RPS6KA6: variants seen among roughly 807,000 people sequenced by gnomAD.
RPS6KA6 encodes the protein ribosomal protein S6 kinase alpha-6.
In RPS6KA6, 27 loss-of-function variants were observed where a neutral mutation model predicts 65.4. The ratio of observed to expected loss-of-function variants is 0.41; its 90% CI spans 0.30 to 0.57. The LOEUF (loss-of-function observed/expected upper bound fraction) is 0.57, where lower values mean the gene tolerates loss of function less well. Ranked by LOEUF, RPS6KA6 falls within the 20% of genes least tolerant of loss-of-function variation. The probability of loss-of-function intolerance (pLI) is 0.24; values close to 1 mark genes in which losing one functional copy is unlikely to be tolerated. For synonymous variants in RPS6KA6, 190 were observed against 184.2 expected (o/e 1.03, Z -0.26); for missense variants, 486 against 555.6 (o/e 0.87, Z 1.26).
At chrX:84,072,138 C>G (rs989213519) in intron 20 of RPS6KA6, among the ~76,000 whole-genome samples, 1 of 111,409 alleles carries the variant, frequency 9.0e-6, no homozygotes, top group Non-Finnish European at 1.9e-5. Context: ...AGGCCAATAG[C>G]CTTAAAGAAC....
chrX:84,139,901 T>C (rs1182751335), intron 6 of RPS6KA6, among the ~76,000 whole-genome samples: 1 of 111,640 alleles, frequency 9.0e-6, no homozygotes, highest in African/African-American at 3.3e-5. Flanking sequence ...AGTTTCCAAG[T>C]GGTAGTACAG....
chrX:84,151,110 G>A lies in RPS6KA6; in HGVS notation c.259-2987C>T, dbSNP rs950813875. 1.0e-4 allele frequency among the ~76,000 whole-genome samples: 10 copies of A among 97,456 alleles called. No homozygotes were observed. The East Asian group carries it at 1.2e-3, about 12-fold the overall frequency. 84.6% of individuals were successfully genotyped at this position (97,456 alleles called of 115,157 possible). Reference sequence around the variant, plus strand: ...GATATATAGAGGATAGATATATATAGATATATATAGGATATATATAGATAT... The same window carrying A: ...GATATATAGAGGATAGATATATATAAATATATATAGGATATATATAGATAT... On this transcript the variant is annotated intron_variant, in intron 3 of 21. Transcript: ENST00000262752.
chrX:84,121,144 A>G (rs1331858195), intron 8 of RPS6KA6, among the ~76,000 whole-genome samples: 1 of 112,520 alleles, frequency 8.9e-6, no homozygotes, highest in Non-Finnish European at 1.9e-5. Flanking sequence ...GAAGCGTTAC[A>G]TGAGCACAGA....
chrX:84,067,976 A>G (rs1469017191), intron 20 of RPS6KA6, among the ~76,000 whole-genome samples: 2 of 112,050 alleles, frequency 1.8e-5, no homozygotes, highest in Non-Finnish European at 3.8e-5. Flanking sequence ...AACATTCTTA[A>G]AGAAAAGAAT....
At chrX:84,098,678 T>C (rs1382204763) in intron 18 of RPS6KA6, among the ~76,000 whole-genome samples, 3 of 111,188 alleles carry the variant, frequency 2.7e-5, no homozygotes, top group Admixed American at 9.6e-5. Flanking sequence ...CAGCATGAAT[T>C]TCTCATCTAT....
chrX:84,147,499 G>A (rs2035220293), intron 4 of RPS6KA6, among the ~76,000 whole-genome samples: 1 of 111,024 alleles, frequency 9.0e-6, no homozygotes, highest in Non-Finnish European at 1.9e-5. Flanking sequence ...TAGAGACAGG[G>A]TTTCACCAGG....
chrX:84,079,643 G>T (rs1368768143), intron 20 of RPS6KA6, among the ~76,000 whole-genome samples: 1 of 111,093 alleles, frequency 9.0e-6, no homozygotes, highest in African/African-American at 3.3e-5. Context: ...GGTGGGGGGA[G>T]GGGCGTCCAC....
At chrX:84,092,118 G>C (rs1367854804) in intron 20 of RPS6KA6, among the ~76,000 whole-genome samples, 1 of 110,890 alleles carries the variant, frequency 9.0e-6, no homozygotes, top group Admixed American at 9.6e-5. Flanking sequence ...TGGGTTGATA[G>C]GTGCAGCAAA....
intron 20 of RPS6KA6, among the ~76,000 whole-genome samples, chrX:84,083,436 T>C (rs976408605): frequency 8.9e-6 from 1 of 112,259 alleles, no homozygotes; most frequent in African/African-American, 3.2e-5. Flanking sequence ...CATGTGTCCA[T>C]GGGTTCTCAT....
intron 20 of RPS6KA6, among the ~76,000 whole-genome samples, chrX:84,089,235 C>T (rs373522470): frequency 3.6e-5 from 4 of 112,196 alleles, no homozygotes; most frequent in African/African-American, 1.3e-4. Flanking sequence ...CTCCTCGGAG[C>T]TGGCAGGTTA....
intron 3 of RPS6KA6, among the ~76,000 whole-genome samples, chrX:84,151,223 GATATAGATATATAGGATATATATAGAT>G (rs1437906788): frequency 4.7e-4 from 47 of 100,346 alleles, no homozygotes; most frequent in Non-Finnish European, 6.0e-5. Context: ...GATATATATA[GATATAGATATATAGGATATATATAGAT>G]ATATATATAT....
intron 8 of RPS6KA6, among the ~76,000 whole-genome samples, chrX:84,128,857 A>T (rs986992684): frequency 4.4e-4 from 49 of 112,154 alleles, no homozygotes; most frequent in African/African-American, 1.6e-3. Flanking sequence ...AATGGATTAA[A>T]AATTTACATC....
At chrX:84,140,394 C>A (rs2035073665) in intron 6 of RPS6KA6, among the ~76,000 whole-genome samples, 1 of 110,751 alleles carries the variant, frequency 9.0e-6, no homozygotes, top group South Asian at 3.9e-4. Flanking sequence ...CAAAAATGTT[C>A]ATCACCTTAA....
chrX:84,182,480 G>A (rs1423983688), intron 1 of RPS6KA6, among the ~76,000 whole-genome samples: 1 of 111,045 alleles, frequency 9.0e-6, no homozygotes, highest in Non-Finnish European at 1.9e-5. Flanking sequence ...TTACAGGAAG[G>A]GAAAAAAATC....
rs763540105 is a variant in RPS6KA6, at chrX:84,110,112, T to C, written c.1009-2387A>G. ...AGGTTCCACCCAGAAACAACTCCCATAGACAAGTGTCTTCTGTGGCTATCA... is the reference window on the plus strand; with the variant it reads ...AGGTTCCACCCAGAAACAACTCCCACAGACAAGTGTCTTCTGTGGCTATCA... On this transcript the variant is annotated intron_variant, in intron 12 of 21. Transcript: ENST00000262752. Among the ~76,000 whole-genome samples the C allele has an allele frequency of 8.0e-5, 9 of 112,038 alleles. No individual in the cohort carries two copies. The East Asian group carries it at 2.3e-3, about 28-fold the overall frequency.
At chrX:84,173,696 G>A (rs904148306) in intron 1 of RPS6KA6, among the ~76,000 whole-genome samples, 6 of 110,203 alleles carry the variant, frequency 5.4e-5, no homozygotes, top group Non-Finnish European at 9.5e-5. Flanking sequence ...TCGCTGTGTC[G>A]CCCCAGGCTG....
rs369916805 is a variant in RPS6KA6 at position 84,064,941 on chromosome X, C to T, written c.2112+30G>A. ...TGGGTTTATTAGGTATCTGATATCT[C>T]GAAGGCACATAAAAGTATGTTTGTT... is the stretch of plus-strand genomic sequence containing the variant. On this transcript the variant is annotated intron_variant, in intron 21 of 21. Coordinates refer to ENST00000262752, the MANE Select transcript of RPS6KA6 (RefSeq NM_014496.5). 84 of 1,167,740 alleles carry T rather than the reference C, an allele frequency of 7.2e-5. 1 individual carries two copies. In the African/African-American group the frequency reaches 1.2e-3, roughly 17 times the overall value.
At chrX:84,101,919 A>G in intron 18 of RPS6KA6, 118 bp downstream of exon 18, 2 of 572,774 alleles carry the variant, frequency 3.5e-6, no homozygotes, top group Non-Finnish European at 5.1e-6. Context: ...AAGAACTTTA[A>G]AACTGAAAAG....
intron 20 of RPS6KA6, among the ~76,000 whole-genome samples, chrX:84,080,940 A>G (rs746652895): frequency 7.9e-4 from 89 of 112,025 alleles, no homozygotes; most frequent in Non-Finnish European, 1.2e-3. Flanking sequence ...GAGAACAAAT[A>G]CACAATGTAC....
Sources: allele counts gnomAD v4.1 joint callset (sites outside exome capture counted in the v4.1 genomes callset), GRCh38; gene constraint gnomAD v4.1.1; transcripts MANE v1.5; gene names NCBI Gene and HGNC (gene_info 2026-07-23, HGNC 2026-07-21).